Variants in IRAG2 observed in about 807,000 individuals in gnomAD.
IRAG2 encodes inositol 1,4,5-triphosphate receptor associated 2.
In IRAG2, 45 loss-of-function variants were observed where a neutral mutation model predicts 69.9. That is an observed-to-expected ratio of 0.64 (90% CI 0.51 to 0.83). The LOEUF is 0.83. Among genes scored for constraint, IRAG2 ranks in the 40% least tolerant of loss-of-function variants. IRAG2 has a pLI of 0.00. For missense variants in IRAG2, 520 were observed against 587.0 expected (o/e 0.89, Z 1.18); for synonymous variants, 193 against 202.4 (o/e 0.95, Z 0.40).
At chr12:25,071,432 A>G (rs1178746551) in intron 6 of IRAG2, among the ~76,000 whole-genome samples, 2 of 152,234 alleles carry the variant, frequency 1.3e-5, no homozygotes, top group Non-Finnish European at 2.9e-5. Flanking sequence ...TAGTAAAGGA[A>G]GTTGAACTTG....
chr12:25,096,679 G>C (rs1948438918), intron 14 of IRAG2, among the ~76,000 whole-genome samples: 1 of 151,996 alleles, frequency 6.6e-6, no homozygotes, highest in Non-Finnish European at 1.5e-5. Flanking sequence ...AAGAAAAAAG[G>C]GATCAAGAAT....
At chr12:25,010,746 C>T (rs1469656681) in intron 2 of IRAG2, among the ~76,000 whole-genome samples, 2 of 152,044 alleles carry the variant, frequency 1.3e-5, no homozygotes, top group Admixed American at 1.3e-4. Flanking sequence ...TTTTCCCTCT[C>T]CTTTGCAAGT....
At chr12:25,034,028 C>T in intron 13 of IRAG2, 1 of 397,282 alleles carries the variant, frequency 2.5e-6, no homozygotes, top group Non-Finnish European at 4.4e-6. Context: ...AGGTTCACAG[C>T]TTGCCAAAAA....
chr12:25,017,340 T>TC, intron 6 of IRAG2: 2 of 1,227,826 alleles, frequency 1.6e-6, no homozygotes. Flanking sequence ...ATTTCTTTTT[T>TC]CTTTTTTTAA....
At chr12:25,007,405 G>C (rs1265022307) in intron 2 of IRAG2, among the ~76,000 whole-genome samples, 1 of 151,918 alleles carries the variant, frequency 6.6e-6, no homozygotes, top group Non-Finnish European at 1.5e-5. Flanking sequence ...TTCTTAAACA[G>C]TTTTACTGTT....
intron 1 of IRAG2, among the ~76,000 whole-genome samples, chr12:25,059,445 G>A (rs1251125343): frequency 5.3e-5 from 8 of 152,128 alleles, no homozygotes; most frequent in Admixed American, 6.5e-5. Context: ...TCCGCCTCCC[G>A]GGTTCAAGCA....
chr12:25,043,452 G>C (rs1057282061), intron 16 of IRAG2, among the ~76,000 whole-genome samples: 1 of 152,210 alleles, frequency 6.6e-6, no homozygotes, highest in African/African-American at 2.4e-5. Flanking sequence ...GTTTGAACTA[G>C]CATGCATGCG....
chr12:25,079,131 C>A, intron 6 of IRAG2, 113 bp from the exon 7 acceptor site: 1 of 1,012,930 alleles, frequency 9.9e-7, no homozygotes, highest in Non-Finnish European at 1.6e-6. Flanking sequence ...TCCAAAAGAG[C>A]TGAGTAAATA....
intron 15 of IRAG2, among the ~76,000 whole-genome samples, chr12:25,099,722 C>A (rs1948632122): frequency 6.6e-6 from 1 of 152,042 alleles, no homozygotes. Context: ...GGATGTGTGG[C>A]CGGGCGCGGT....
intron 20 of IRAG2, among the ~76,000 whole-genome samples, chr12:25,105,882 T>C (rs1159555063): frequency 6.6e-6 from 1 of 152,234 alleles, no homozygotes; most frequent in Non-Finnish European, 1.5e-5. Flanking sequence ...CATTTCCCTT[T>C]GGCAATTCTG....
At chr12:25,087,180 T>TTTGTTG (rs1555141787) in intron 10 of IRAG2, among the ~76,000 whole-genome samples, 1 of 125,170 alleles carries the variant, frequency 8.0e-6, no homozygotes, top group African/African-American at 3.1e-5. Flanking sequence ...TTTTTTTTTT[T>TTTGTTG]TTGTTGAGAC....
At chr12:25,046,353 G>A (rs957902432) in intron 16 of IRAG2, among the ~76,000 whole-genome samples, 2 of 151,738 alleles carry the variant, frequency 1.3e-5, no homozygotes, top group Non-Finnish European at 2.9e-5. Context: ...ACTAGCCAGA[G>A]CATTTAGGCA....
Position 25,098,550 on chromosome 12 carries a change from A to G in IRAG2, c.741+1506A>G, listed in dbSNP as rs551424267. Reference sequence around the variant, plus strand: ...CCCACTGTAGATGGGAGCCTTCCCGACTAATTTACTCAGAGTCATGGGACC... The same window carrying G: ...CCCACTGTAGATGGGAGCCTTCCCGGCTAATTTACTCAGAGTCATGGGACC... On this transcript the variant is annotated intron_variant, in intron 15 of 21. Transcript: ENST00000556887. Among the ~76,000 whole-genome samples, 4 of 152,264 alleles carry G rather than the reference A, an allele frequency of 2.6e-5. No individual in the cohort carries two copies. The South Asian group carries it at 8.3e-4, about 32-fold the overall frequency.
At chr12:25,057,404 G>A (rs11047790) in intron 1 of IRAG2, among the ~76,000 whole-genome samples, 2,277 of 151,156 alleles carry the variant, frequency 0.015, 59 homozygotes, top group African/African-American at 0.052. Flanking sequence ...GACTATAGGC[G>A]AGCACCACTA....
intron 2 of IRAG2, among the ~76,000 whole-genome samples, chr12:25,010,138 T>C (rs1170542121): frequency 6.6e-6 from 1 of 152,220 alleles, no homozygotes; most frequent in Non-Finnish European, 1.5e-5. Context: ...TAAATGATTA[T>C]TGCTGGCTTT....
chr12:25,052,060 A>T (rs1271938656), upstream of IRAG2, among the ~76,000 whole-genome samples: 1 of 152,228 alleles, frequency 6.6e-6, no homozygotes, highest in East Asian at 1.9e-4. Context: ...AGCTTTGCTT[A>T]AGATTTTATA....
rs892322510 is a variant in IRAG2, at chr12:25,066,302, T to C, written c.-206-63T>C. The C allele has an allele frequency of 2.3e-5, 9 of 399,968 alleles. No individual in the cohort carries two copies. In the South Asian group the frequency reaches 1.1e-3, roughly 47 times the overall value. The allele number at this position is 399,968 out of a possible 1,614,324, so 24.8% of individuals were successfully genotyped here. A position where few individuals can be genotyped will look rare whatever the true frequency, so the allele number is the denominator to read the frequency against. On this transcript the variant is annotated intron_variant, in intron 4 of 21. Transcript: ENST00000556887. ...AGTCTCTCAAGAAGGAAAGACTTTATGCTTCAATATAGTTTGAACCAGAAA... is the reference window on the plus strand; with the variant it reads ...AGTCTCTCAAGAAGGAAAGACTTTACGCTTCAATATAGTTTGAACCAGAAA...
rs184398330 is a variant in IRAG2, at chr12:25,024,920, A to G, written c.1383+999A>G. ...GAAGGAAGATTGAAAGCCCTTCATC[A>G]TGAAATAGCATTGCAATTATTGACT... On this transcript the variant is annotated intron_variant, in intron 8 of 38. Transcript: ENST00000636465. Among the ~76,000 whole-genome samples the G allele has an allele frequency of 3.3e-5, 5 of 152,374 alleles. No homozygotes were observed. The South Asian group carries it at 6.2e-4, about 19-fold the overall frequency.
chr12:25,088,082 A>G lies in IRAG2; in HGVS notation c.316-18A>G. On this transcript the variant is annotated intron_variant, in intron 10 of 21. Transcript: ENST00000556887. ...GTATTTCCACTCTATGTACAGTGGT[A>G]AAATCTTATGATTTTAGGAAGCCAA... 6.3e-7 allele frequency: 1 copy of G among 1,587,242 alleles called. No homozygotes were observed. The highest frequency in any genetic ancestry group is 8.7e-7 in the Non-Finnish European group (1 of 1,155,556).
Sources: gnomAD v4.1 joint callset for allele counts (sites outside exome capture counted in the v4.1 genomes callset) on GRCh38, gnomAD v4.1.1 for gene constraint, MANE v1.5 for transcripts, NCBI Gene and HGNC (gene_info 2026-07-23, HGNC 2026-07-21) for gene names.